The following CACNA2D3 variants were observed in gnomAD, a reference collection of about 807,000 sequenced individuals.
The protein encoded by CACNA2D3 is calcium voltage-gated channel auxiliary subunit alpha2delta 3, also known as voltage-dependent calcium channel subunit alpha-2/delta-3.
CACNA2D3 carries 60 observed loss-of-function variants against 160.6 expected under a neutral mutation model. That is an observed-to-expected ratio of 0.37 (90% CI 0.30 to 0.46). The LOEUF is 0.46. Among genes scored for constraint, CACNA2D3 ranks in the 20% least tolerant of loss-of-function variants. CACNA2D3 has a pLI of 1.00. For missense variants in CACNA2D3, 1,205 were observed against 1,365.0 expected, an observed-to-expected ratio of 0.88 and a Z score of 1.85; for synonymous variants, 558 against 492.9, an observed-to-expected ratio of 1.13 and a Z score of -1.75.
chr3:54,516,153 G>T (rs973503098), intron 5 of CACNA2D3, among the ~76,000 whole-genome samples: 2 of 152,184 alleles, frequency 1.3e-5, no homozygotes, highest in Non-Finnish European at 2.9e-5. Context: ...GGGCTTTGGG[G>T]ATAAGGTGCC....
At chr3:54,182,006 G>A (rs1004978923) in intron 2 of CACNA2D3, among the ~76,000 whole-genome samples, 4 of 151,974 alleles carry the variant, frequency 2.6e-5, no homozygotes, top group African/African-American at 9.7e-5. Flanking sequence ...TAATCTAGTG[G>A]GCTTGAAATG....
At chr3:54,845,599 T>G (rs1698915400) in intron 16 of CACNA2D3, among the ~76,000 whole-genome samples, 1 of 152,222 alleles carries the variant, frequency 6.6e-6, no homozygotes, top group South Asian at 2.1e-4. Flanking sequence ...CAGTCAACTG[T>G]GTAATAGAAA....
intron 4 of CACNA2D3, among the ~76,000 whole-genome samples, chr3:54,419,914 C>T (rs1006869144): frequency 6.6e-6 from 1 of 151,958 alleles, no homozygotes; most frequent in Non-Finnish European, 1.5e-5. Context: ...TACAGGTGCG[C>T]GCCACCATGC....
chr3:54,638,833 C>G (rs1699438380), intron 10 of CACNA2D3: 1 of 151,878 alleles, frequency 6.6e-6, no homozygotes. Context: ...GTATTGGGGT[C>G]AAGTGGCATT....
At chr3:54,714,097 T>C (rs1426602213) in intron 11 of CACNA2D3, among the ~76,000 whole-genome samples, 2 of 152,084 alleles carry the variant, frequency 1.3e-5, no homozygotes, top group Admixed American at 6.6e-5. Flanking sequence ...GGTCCTGGAC[T>C]CCACAGGAGT....
intron 2 of CACNA2D3, among the ~76,000 whole-genome samples, chr3:54,239,903 T>C (rs1328329921): frequency 1.3e-5 from 2 of 152,350 alleles, no homozygotes; most frequent in Non-Finnish European, 1.5e-5. Flanking sequence ...ATAGTACTTT[T>C]AAAATAAAAT....
intron 17 of CACNA2D3, among the ~76,000 whole-genome samples, chr3:54,849,184 T>TA (rs1425234189): frequency 1.3e-5 from 2 of 152,222 alleles, no homozygotes; most frequent in African/African-American, 2.4e-5. Context: ...CAACTTGTAC[T>TA]AGAGGTTCTA....
chr3:54,725,391 G>C (rs1701257086), intron 11 of CACNA2D3, among the ~76,000 whole-genome samples: 1 of 152,088 alleles, frequency 6.6e-6, no homozygotes, highest in South Asian at 2.1e-4. Flanking sequence ...GAAAAAGAGG[G>C]AATCCTCCCT....
intron 11 of CACNA2D3, among the ~76,000 whole-genome samples, chr3:54,659,667 G>A (rs1282566373): frequency 2.0e-5 from 3 of 152,182 alleles, no homozygotes; most frequent in Admixed American, 6.5e-5. Context: ...AAACTGCCAC[G>A]GGGACAGAGA....
At chr3:54,744,860 T>A (rs1701723046) in intron 11 of CACNA2D3, among the ~76,000 whole-genome samples, 1 of 152,206 alleles carries the variant, frequency 6.6e-6, no homozygotes, top group Admixed American at 6.5e-5. Flanking sequence ...ATCACCAATG[T>A]GAGGTGGGTG....
intron 35 of CACNA2D3, among the ~76,000 whole-genome samples, chr3:55,062,811 C>T (rs572838605): frequency 6.6e-6 from 1 of 152,098 alleles, no homozygotes; most frequent in Non-Finnish European, 1.5e-5. Context: ...TTTAGCTGCC[C>T]TAGAAGGTAA....
chr3:54,761,523 T>A (rs1480882425), intron 12 of CACNA2D3, among the ~76,000 whole-genome samples: 1 of 152,226 alleles, frequency 6.6e-6, no homozygotes, highest in East Asian at 1.9e-4. Flanking sequence ...CAATCCTTTT[T>A]AAAACCTGTC....
intron 12 of CACNA2D3, among the ~76,000 whole-genome samples, chr3:54,753,596 T>C (rs1045972320): frequency 1.3e-5 from 2 of 152,240 alleles, no homozygotes; most frequent in Admixed American, 6.5e-5. Flanking sequence ...AATAAACTTT[T>C]ATGTTAAGCC....
At chr3:54,757,428 A>G (rs1282098470) in intron 12 of CACNA2D3, among the ~76,000 whole-genome samples, 3 of 152,150 alleles carry the variant, frequency 2.0e-5, no homozygotes, top group Non-Finnish European at 1.5e-5. Context: ...TAACCTCATT[A>G]TATCTTTCCA....
chr3:55,034,777 G>A (rs746655164), intron 35 of CACNA2D3, among the ~76,000 whole-genome samples: 7 of 151,912 alleles, frequency 4.6e-5, no homozygotes, highest in Non-Finnish European at 1.0e-4. Flanking sequence ...ACAGTATGTG[G>A]ATTTACTAGT....
intron 2 of CACNA2D3, among the ~76,000 whole-genome samples, chr3:54,134,893 C>T (rs889678329): frequency 2.6e-5 from 4 of 152,242 alleles, no homozygotes; most frequent in African/African-American, 4.8e-5. Flanking sequence ...GCAGCTGCTG[C>T]GGGAGCACCG....
chr3:54,456,137 G>C (rs1445443021), intron 4 of CACNA2D3, among the ~76,000 whole-genome samples: 1 of 152,040 alleles, frequency 6.6e-6, no homozygotes, highest in Admixed American at 6.6e-5. Context: ...GATTGCTTTG[G>C]GTAGTATGGT....
chr3:54,832,056 C>CACACAT (rs56874471), intron 14 of CACNA2D3, among the ~76,000 whole-genome samples: 1 of 146,244 alleles, frequency 6.8e-6, no homozygotes, highest in Non-Finnish European at 1.5e-5. Context: ...CACACACACA[C>CACACAT]GTCTCTCCTC....
At chr3:54,399,970 C>T (rs1699418651) in intron 4 of CACNA2D3, among the ~76,000 whole-genome samples, 1 of 118,094 alleles carries the variant, frequency 8.5e-6, no homozygotes, top group African/African-American at 3.3e-5. Context: ...GGCGTAGGAC[C>T]CTCTGAGCCA....
Sources: gnomAD v4.1 joint callset for allele counts (sites outside exome capture counted in the v4.1 genomes callset) on GRCh38, gnomAD v4.1.1 for gene constraint, MANE v1.5 for transcripts, NCBI Gene and HGNC (gene_info 2026-07-23, HGNC 2026-07-21) for gene names.